Variants in TRIM36 observed in about 807,000 individuals in gnomAD.
TRIM36 encodes tripartite motif containing 36, also known as E3 ubiquitin-protein ligase TRIM36.
Under a neutral mutation model 72.4 loss-of-function variants are expected in TRIM36, and 42 were observed. The ratio of observed to expected loss-of-function variants is 0.58; its 90% CI spans 0.45 to 0.75. The LOEUF is 0.75. TRIM36 is among the 30% of genes least tolerant of loss of function. The pLI is 0.00. For synonymous variants in TRIM36, 315 were observed against 282.8 expected (o/e 1.11, Z -1.14); for missense variants, 913 against 857.1 (o/e 1.07, Z -0.81).
chr5:115,151,974 A>G (rs1400785785), intron 2 of TRIM36, among the ~76,000 whole-genome samples: 1 of 152,170 alleles, frequency 6.6e-6, no homozygotes, highest in Non-Finnish European at 1.5e-5. Context: ...CAAGGTTAAC[A>G]CCAGCAAAAA....
chr5:115,168,356 T>C (rs1754904797), intron 1 of TRIM36, among the ~76,000 whole-genome samples: 1 of 152,242 alleles, frequency 6.6e-6, no homozygotes. Flanking sequence ...TTTTTCCATG[T>C]ATCCCAGACT....
chr5:115,140,692 G>A (rs1261502369), intron 5 of TRIM36, among the ~76,000 whole-genome samples: 6 of 152,066 alleles, frequency 3.9e-5, no homozygotes, highest in South Asian at 2.1e-4. Context: ...CCTTCCTGTC[G>A]ACATTACTGC....
At chr5:115,179,117 G>A (rs1470429460) in intron 1 of TRIM36, among the ~76,000 whole-genome samples, 2 of 152,178 alleles carry the variant, frequency 1.3e-5, no homozygotes, top group Admixed American at 6.5e-5. Context: ...CCTTCTCTCC[G>A]TCTGCGAGTT....
chr5:115,126,598 T>C lies in TRIM36; in HGVS notation c.2056A>G (p.Thr686Ala), dbSNP rs767609651. 1 of 1,614,182 alleles carries C rather than the reference T, an allele frequency of 6.2e-7. No homozygotes were observed. Among genetic ancestry groups the C allele is most frequent in the Admixed American group, 1.7e-5 (1 of 60,026 alleles). ...ATTAATGCAAATGCTGGATACAGTG[T>C]ATGTGAACAGTCCACTTGGCGTTCA... is the stretch of plus-strand genomic sequence containing the variant. ...LYERQVDCSH[T>A]LYPAFALMGS... The change falls in exon 10 of 10, where the codon ACA becomes GCA. Residue 686 changes from threonine to alanine, a missense_variant. Coordinates refer to ENST00000513154, the MANE Select transcript of TRIM36 (RefSeq NM_001300759.2).
At chr5:115,139,711 C>T (rs1561426368) in intron 5 of TRIM36, among the ~76,000 whole-genome samples, 1 of 152,006 alleles carries the variant, frequency 6.6e-6, no homozygotes, top group East Asian at 1.9e-4. Context: ...AAGTAAATGT[C>T]GAGAATGGAG....
intron 2 of TRIM36, chr5:115,148,758 C>G (rs1753729257): frequency 6.6e-6 from 1 of 152,122 alleles, no homozygotes; most frequent in Non-Finnish European, 1.5e-5. Context: ...AAAAATAACT[C>G]CCTTAACTTA....
At chr5:115,145,092 G>A (rs1753511540) in intron 3 of TRIM36, among the ~76,000 whole-genome samples, 1 of 152,120 alleles carries the variant, frequency 6.6e-6, no homozygotes, top group Non-Finnish European at 1.5e-5. Flanking sequence ...AACCAAGTTA[G>A]AAAGGCCATC....
upstream of TRIM36, chr5:115,180,227 C>T (rs1391535739): frequency 5.6e-6 from 3 of 538,772 alleles, no homozygotes; most frequent in Non-Finnish European, 9.7e-6. Flanking sequence ...ATCGAGGGCT[C>T]CCGGGCAGCC....
intron 9 of TRIM36, among the ~76,000 whole-genome samples, chr5:115,129,449 T>A (rs1752534361): frequency 6.6e-6 from 1 of 151,994 alleles, no homozygotes; most frequent in Non-Finnish European, 1.5e-5. Context: ...TCCCAGCTAT[T>A]TGGGAGGCTG....
chr5:115,142,522 T>A (rs1358766646), intron 4 of TRIM36, among the ~76,000 whole-genome samples: 1 of 152,204 alleles, frequency 6.6e-6, no homozygotes, highest in Non-Finnish European at 1.5e-5. Flanking sequence ...GAAGAATAGA[T>A]GGCAGAATTC....
intron 2 of TRIM36, among the ~76,000 whole-genome samples, chr5:115,153,041 C>T (rs1046005353): frequency 6.6e-6 from 1 of 152,032 alleles, no homozygotes; most frequent in Non-Finnish European, 1.5e-5. Flanking sequence ...TATCTCAATA[C>T]CAACTGAATG....
In TRIM36 at chr5:115,150,944, C is replaced by T. The variant is rs549914399; in HGVS notation, c.263-3550G>A. ...GCCTCACAGGGGTCCTTCCGGAGAA[C>T]GGCCAGAGGCTCTGGGAAAAGGCCA... On this transcript the variant is annotated intron_variant, in intron 2 of 9. Coordinates refer to ENST00000513154, the MANE Select transcript of TRIM36 (RefSeq NM_001300759.2). Among the ~76,000 whole-genome samples the T allele has an allele frequency of 1.6e-3, 243 of 152,320 alleles. 2 individuals carry two copies. The highest frequency in any genetic ancestry group is 3.2e-4 in the Non-Finnish European group (22 of 68,026).
At chr5:115,162,253 G>C (rs1754523967) in intron 2 of TRIM36, among the ~76,000 whole-genome samples, 1 of 152,190 alleles carries the variant, frequency 6.6e-6, no homozygotes, top group Admixed American at 6.5e-5. Flanking sequence ...TCCTAAAGAA[G>C]AGGGAGAAAC....
chr5:115,171,472 C>T (rs188983480), upstream of TRIM36, among the ~76,000 whole-genome samples: 162 of 152,174 alleles, frequency 1.1e-3, no homozygotes, highest in African/African-American at 3.7e-3. Flanking sequence ...GAATTAGGTG[C>T]CTATATATAT....
chr5:115,126,253 C>T lies in TRIM36; in HGVS notation c.*250G>A, dbSNP rs1752354045. The stretch of plus-strand genomic sequence containing the variant: ...GATATCCTGTACATAAAGTAAAAGA[C>T]AGTCCAGTTGCAAAGTTAACCACTT... On this transcript the variant is annotated 3_prime_UTR_variant, in exon 10 of 10. Transcript: ENST00000513154. 6.9e-6 allele frequency: 3 copies of T among 435,824 alleles called. No individual in the cohort carries two copies. Among genetic ancestry groups the T allele is most frequent in the South Asian group, 1.0e-4 (2 of 19,598 alleles). 27.0% of individuals were successfully genotyped at this position (435,824 alleles called of 1,614,324 possible). A position where few individuals can be genotyped will look rare whatever the true frequency, so the allele number is the denominator to read the frequency against.
At chr5:115,166,696 G>A (rs1754796209) in intron 1 of TRIM36, among the ~76,000 whole-genome samples, 1 of 152,210 alleles carries the variant, frequency 6.6e-6, no homozygotes, top group East Asian at 1.9e-4. Flanking sequence ...ACGATGAGGA[G>A]ACAAGAGAGG....
intron 3 of TRIM36, 145 bp downstream of exon 3, chr5:115,146,924 G>A: frequency 1.2e-6 from 1 of 831,644 alleles, no homozygotes; most frequent in South Asian, 1.9e-5. Context: ...AGCCAACTAG[G>A]CCTTAAGTTC....
At chr5:115,128,043 A>G (rs184225635) in intron 9 of TRIM36, among the ~76,000 whole-genome samples, 1 of 149,840 alleles carries the variant, frequency 6.7e-6, no homozygotes, top group African/African-American at 2.4e-5. Flanking sequence ...TTAAAAATTT[A>G]AAAAATTAAA....
chr5:115,179,721 T>G lies in TRIM36; in HGVS notation c.63+254A>C, dbSNP rs559230777. ...TCGCCCTTCGGCGTCCGAGAGCCCC[T>G]ATTGCTGCCCAGCTGGCCCCAAAAG... is the stretch of plus-strand genomic sequence containing the variant. On this transcript the variant is annotated intron_variant, in intron 1 of 9. Coordinates refer to the TRIM36 transcript ENST00000282369. Among the ~76,000 whole-genome samples the G allele has an allele frequency of 5.9e-5, 9 of 152,354 alleles. No homozygotes were observed. In the East Asian group the frequency reaches 1.7e-3, roughly 29 times the overall value.
Sources: gnomAD v4.1 joint callset for allele counts (sites outside exome capture counted in the v4.1 genomes callset) on GRCh38, gnomAD v4.1.1 for gene constraint, MANE v1.5 for transcripts, NCBI Gene and HGNC (gene_info 2026-07-23, HGNC 2026-07-21) for gene names.